Variants in HSPBAP1 observed in about 807,000 individuals in gnomAD.
HSPBAP1 encodes the protein HSPB1-associated protein 1.
HSPBAP1 carries 27 observed loss-of-function variants against 45.2 expected under a neutral mutation model. The observed-to-expected ratio is 0.60, with a 90% CI of 0.44 to 0.82. The LOEUF (loss-of-function observed/expected upper bound fraction) is 0.82. Ranked by LOEUF, HSPBAP1 falls within the 40% of genes least tolerant of loss-of-function variation. The pLI is 0.00. For synonymous variants in HSPBAP1, 204 were observed against 202.7 expected, an observed-to-expected ratio of 1.01 and a Z score of -0.06; for missense variants, 510 against 590.9, an observed-to-expected ratio of 0.86 and a Z score of 1.42.
chr3:122,752,439 G>C (rs1370086305), intron 6 of HSPBAP1, 152 bp downstream of exon 6: 2 of 510,414 alleles, frequency 3.9e-6, no homozygotes, highest in Non-Finnish European at 6.9e-6. Context: ...ACAGAAGACA[G>C]AATGCATACG....
chr3:122,765,065 T>C (rs893584121), intron 3 of HSPBAP1, among the ~76,000 whole-genome samples: 10 of 152,194 alleles, frequency 6.6e-5, no homozygotes, highest in African/African-American at 2.4e-4. Flanking sequence ...TGGCGTCTGA[T>C]GGCCAGTGAT....
At chr3:122,759,728 G>A (rs1273848596) in intron 3 of HSPBAP1, among the ~76,000 whole-genome samples, 2 of 152,196 alleles carry the variant, frequency 1.3e-5, no homozygotes, top group Non-Finnish European at 2.9e-5. Flanking sequence ...CTGATATTTA[G>A]GGAAAGCGTG....
intron 6 of HSPBAP1, among the ~76,000 whole-genome samples, chr3:122,747,708 G>A (rs1295747341): frequency 1.3e-5 from 2 of 150,346 alleles, no homozygotes; most frequent in Non-Finnish European, 3.0e-5. Context: ...CCCCTACTGG[G>A]AAGTGAGGAG....
intron 3 of HSPBAP1, among the ~76,000 whole-genome samples, chr3:122,767,105 C>T (rs1400640513): frequency 6.6e-6 from 1 of 152,142 alleles, no homozygotes; most frequent in East Asian, 1.9e-4. Context: ...TAAGAAAAAA[C>T]ATCTACCTTA....
intron 2 of HSPBAP1, among the ~76,000 whole-genome samples, chr3:122,771,932 TCTAA>T (rs1935014562): frequency 6.6e-6 from 1 of 151,992 alleles, no homozygotes; most frequent in African/African-American, 2.4e-5. Flanking sequence ...CATATGCCTG[TCTAA>T]CTAGAAAACC....
At chr3:122,759,806 G>A (rs558817652) in intron 3 of HSPBAP1, among the ~76,000 whole-genome samples, 14 of 152,280 alleles carry the variant, frequency 9.2e-5, no homozygotes, top group African/African-American at 2.6e-4. Flanking sequence ...AGACACAACC[G>A]AAGAAGTCAG....
intron 4 of HSPBAP1, among the ~76,000 whole-genome samples, chr3:122,758,129 A>G (rs1397017848): frequency 7.3e-6 from 1 of 137,310 alleles, no homozygotes; most frequent in African/African-American, 2.5e-5. Flanking sequence ...TTCACATCTA[A>G]TAGGTCTGAG....
intron 5 of HSPBAP1, chr3:122,753,446 G>A: frequency 1.0e-6 from 1 of 982,172 alleles, no homozygotes; most frequent in Non-Finnish European, 1.2e-6. Flanking sequence ...TAAGTAGGGG[G>A]ATGGTTAAAA....
At chr3:122,786,637 AT>A (rs1935665822) in intron 1 of HSPBAP1, 1 of 152,246 alleles carries the variant, frequency 6.6e-6, no homozygotes, top group Non-Finnish European at 1.5e-5. Flanking sequence ...CCCAGAGATT[AT>A]TTAATAGGAG....
In HSPBAP1 at chr3:122,759,263, T is replaced by TACAA; in HGVS notation, c.529_530insTTGT (p.Asp177ValfsTer7). The TACAA allele has an allele frequency of 6.2e-7, 1 of 1,612,854 alleles. No individual in the cohort carries two copies. Among genetic ancestry groups the TACAA allele is most frequent in the African/African-American group, 1.3e-5 (1 of 74,686 alleles). On this transcript the variant is annotated frameshift_variant, in exon 4 of 8. Coordinates refer to ENST00000306103, the MANE Select transcript of HSPBAP1 (RefSeq NM_024610.6). LOFTEE classifies it high-confidence loss of function. ...GAATACCAAGTTACAACCATAGGAGTCCAGATGACAGGGTGTGTGGGCTCC... is the reference window on the plus strand; with the variant it reads ...GAATACCAAGTTACAACCATAGGAGTACAACCAGATGACAGGGTGTGTGGGCTCC...
chr3:122,752,984 G>A (rs4048549), intron 5 of HSPBAP1: 717,025 of 1,059,846 alleles, frequency 0.68, 244,579 homozygotes, highest in Non-Finnish European at 0.7. Context: ...CCTCCTTTCC[G>A]TCACAAAATA....
At chr3:122,771,246 G>T (rs1229890187) in intron 2 of HSPBAP1, among the ~76,000 whole-genome samples, 2 of 152,180 alleles carry the variant, frequency 1.3e-5, no homozygotes, top group Non-Finnish European at 2.9e-5. Flanking sequence ...ATCATTAAAG[G>T]TACTGCTCTG....
At chr3:122,780,585 C>T (rs878974638) in intron 1 of HSPBAP1, among the ~76,000 whole-genome samples, 2 of 141,998 alleles carry the variant, frequency 1.4e-5, no homozygotes, top group African/African-American at 5.6e-5. Context: ...CCGGACGGGG[C>T]GGCTGGCCGG....
intron 5 of HSPBAP1, chr3:122,754,528 A>G: frequency 2.0e-6 from 2 of 985,156 alleles, no homozygotes; most frequent in Non-Finnish European, 2.4e-6. Context: ...AGTCAAGTGA[A>G]ATTGTTTGAG....
In HSPBAP1 at chr3:122,771,366, G is replaced by A. The variant is rs78847036; in HGVS notation, c.251-2484C>T. Among the ~76,000 whole-genome samples, 317 of 152,204 alleles carry A rather than the reference G, an allele frequency of 2.1e-3. 2 individuals are homozygous for A. The highest frequency in any genetic ancestry group is 7.4e-3 in the African/African-American group (308 of 41,536). ...TTTTACCATGATTCTTTCATTTAAC[G>A]TTGAAGTAGTCTAGGCAACTATAAT... On this transcript the variant is annotated intron_variant, in intron 2 of 7. Transcript: ENST00000306103.
rs1167141849 is a variant in HSPBAP1, at chr3:122,759,249, T to G, written c.544A>C (p.Asn182His). Residue 182 changes from asparagine to histidine, a missense_variant, in exon 4 of 8, where the codon AAC (asparagine) becomes CAC (histidine). By Grantham distance (68) the Asn-to-His change is moderately conservative (BLOSUM62 1). Coordinates refer to ENST00000306103, the MANE Select transcript of HSPBAP1 (RefSeq NM_024610.6). ...TPCHLDSYGC[N>H]LVFQVQGRKR... ...CTTCCTTGTACCTGGAATACCAAGTTACAACCATAGGAGTCCAGATGACAG... is the reference window on the plus strand; with the variant it reads ...CTTCCTTGTACCTGGAATACCAAGTGACAACCATAGGAGTCCAGATGACAG... The G allele has an allele frequency of 7.4e-6, 12 of 1,612,788 alleles. No individual in the cohort carries two copies. The highest frequency in any genetic ancestry group is 2.7e-5 in the African/African-American group (2 of 74,730).
chr3:122,774,956 T>C (rs905786741), intron 2 of HSPBAP1, among the ~76,000 whole-genome samples: 5 of 152,184 alleles, frequency 3.3e-5, no homozygotes, highest in Admixed American at 2.6e-4. Flanking sequence ...ACTGACAAAA[T>C]CTGTTTGCAA....
Position 122,740,667 on chromosome 3 carries a change from G to T in HSPBAP1, c.1145C>A (p.Pro382Gln). ...SQNLTTGTDKPEAASPFGPDL... is the reference protein window; with the variant it reads ...SQNLTTGTDKQEAASPFGPDL... ...AGGGCCAAAGGGACTTGCTGCCTCC[G>T]GTTTGTCTGTTCCTGTGGTCAAGTT... is the stretch of plus-strand genomic sequence containing the variant. Residue 382 changes from proline to glutamine, a missense_variant, in exon 8 of 8, where the codon CCG becomes CAG. Coordinates refer to ENST00000306103, the MANE Select transcript of HSPBAP1 (RefSeq NM_024610.6). 6.2e-7 allele frequency: 1 copy of T among 1,613,866 alleles called. No individual in the cohort carries two copies.
chr3:122,775,647 G>A (rs996431674), intron 2 of HSPBAP1, among the ~76,000 whole-genome samples: 1 of 152,150 alleles, frequency 6.6e-6, no homozygotes, highest in African/African-American at 2.4e-5. Context: ...TGGAGTGTTG[G>A]CAAGGATGTG....
Sources: gnomAD v4.1 joint callset for allele counts (sites outside exome capture counted in the v4.1 genomes callset) on GRCh38, gnomAD v4.1.1 for gene constraint, MANE v1.5 for transcripts, NCBI Gene and HGNC (gene_info 2026-07-23, HGNC 2026-07-21) for gene names.